Variants in AFG2A observed in about 807,000 individuals in gnomAD.
The protein encoded by AFG2A is ATPase family gene 2 protein homolog A.
the AFG2A span, among the ~76,000 whole-genome samples, chr4:123,212,238 C>T: frequency 7.2e-5 from 11 of 151,952 alleles, no homozygotes; most frequent in Admixed American, 1.3e-4. Context: ...TTTCCTTTTT[C>T]TTGTCCTGAT....
the AFG2A span, among the ~76,000 whole-genome samples, chr4:122,978,416 G>A: frequency 1.3e-5 from 2 of 152,214 alleles, no homozygotes; most frequent in African/African-American, 2.4e-5. Context: ...TGGCTGAGTC[G>A]GGTTTTTATG....
At chr4:123,133,105 G>A in the AFG2A span, among the ~76,000 whole-genome samples, 1 of 152,128 alleles carries the variant, frequency 6.6e-6, no homozygotes, top group African/African-American at 2.4e-5. Context: ...TGTATACATT[G>A]CCAACCTAAA....
the AFG2A span, among the ~76,000 whole-genome samples, chr4:123,305,836 T>C: frequency 1.3e-5 from 2 of 152,206 alleles, no homozygotes; most frequent in African/African-American, 4.8e-5. Flanking sequence ...CCGTAGGCAA[T>C]GTATAAGAGG....
At chr4:123,237,672 C>CAA in the AFG2A span, among the ~76,000 whole-genome samples, 580 of 66,476 alleles carry the variant, frequency 8.7e-3, 9 homozygotes, top group Middle Eastern at 0.022. Flanking sequence ...AACCTTGTCT[C>CAA]AAAAAAAAAA....
the AFG2A span, among the ~76,000 whole-genome samples, chr4:123,037,515 A>T: frequency 6.6e-6 from 1 of 152,128 alleles, no homozygotes; most frequent in African/African-American, 2.4e-5. Flanking sequence ...ACTAACATAC[A>T]TTCTTAAAAG....
chr4:123,201,928 A>AC, the AFG2A span, among the ~76,000 whole-genome samples: 1 of 152,184 alleles, frequency 6.6e-6, no homozygotes, highest in Non-Finnish European at 1.5e-5. Flanking sequence ...GTCTCAAAAA[A>AC]AAAAGTGAAT....
the AFG2A span, among the ~76,000 whole-genome samples, chr4:122,957,693 AT>A: frequency 3.3e-5 from 5 of 152,208 alleles, no homozygotes; most frequent in Non-Finnish European, 7.3e-5. Context: ...GTCCTTTGAA[AT>A]AACTGCCTAC....
At chr4:123,103,102 T>TAG in the AFG2A span, among the ~76,000 whole-genome samples, 3,767 of 152,150 alleles carry the variant, frequency 0.025, 152 homozygotes, top group African/African-American at 0.084. Flanking sequence ...CCTGAAATGT[T>TAG]TCCTGAGTAC....
the AFG2A span, among the ~76,000 whole-genome samples, chr4:123,037,885 A>C: frequency 1.3e-5 from 2 of 152,184 alleles, no homozygotes; most frequent in Non-Finnish European, 1.5e-5. Context: ...TCTTAGAAAG[A>C]GTGCTGGTTT....
chr4:123,223,097 T>G, the AFG2A span, among the ~76,000 whole-genome samples: 1 of 152,182 alleles, frequency 6.6e-6, no homozygotes, highest in African/African-American at 2.4e-5. Context: ...TATTTTAATT[T>G]TTTGAGGAAC....
chr4:123,077,046 GTT>G, the AFG2A span, among the ~76,000 whole-genome samples: 8,819 of 108,220 alleles, frequency 0.081, 357 homozygotes, highest in African/African-American at 0.19. Flanking sequence ...TCCTGTTGTT[GTT>G]TTTTTTTTTT....
chr4:123,017,689 G>T, the AFG2A span, among the ~76,000 whole-genome samples: 1 of 151,782 alleles, frequency 6.6e-6, no homozygotes, highest in Non-Finnish European at 1.5e-5. Flanking sequence ...TTTGAACATT[G>T]TTGAAAAGTT....
the AFG2A span, among the ~76,000 whole-genome samples, chr4:123,308,170 C>T: frequency 3.9e-5 from 6 of 152,268 alleles, no homozygotes; most frequent in East Asian, 7.7e-4. Flanking sequence ...AAAAGCATAG[C>T]TGTATTCTTG....
At chr4:123,259,023 C>T in the AFG2A span, among the ~76,000 whole-genome samples, 408 of 151,982 alleles carry the variant, frequency 2.7e-3, 1 homozygote, top group Middle Eastern at 0.031. Flanking sequence ...CCCACCACCA[C>T]GCCCAGCTAA....
chr4:123,145,968 A>G, the AFG2A span, among the ~76,000 whole-genome samples: 5 of 152,138 alleles, frequency 3.3e-5, no homozygotes, highest in Admixed American at 6.6e-5. Flanking sequence ...AATTTAGAAC[A>G]TATTTGTACT....
the AFG2A span, among the ~76,000 whole-genome samples, chr4:123,122,884 G>A: frequency 1.3e-5 from 2 of 150,868 alleles, no homozygotes; most frequent in Non-Finnish European, 3.0e-5. Context: ...AGATAAAAAT[G>A]TGCTTTGTAT....
the AFG2A span, among the ~76,000 whole-genome samples, chr4:123,195,557 CTAGA>C: frequency 6.6e-6 from 1 of 152,020 alleles, no homozygotes; most frequent in African/African-American, 2.4e-5. Flanking sequence ...TTTTTAAAAT[CTAGA>C]TTATAAAACT....
At chr4:122,999,460 T>C in the AFG2A span, among the ~76,000 whole-genome samples, 2 of 152,174 alleles carry the variant, frequency 1.3e-5, no homozygotes, top group African/African-American at 4.8e-5. Context: ...TTTAAGTCTT[T>C]AATCCATCTT....
chr4:123,261,311 G>GC, the AFG2A span, among the ~76,000 whole-genome samples: 1 of 151,900 alleles, frequency 6.6e-6, no homozygotes, highest in East Asian at 1.9e-4. Flanking sequence ...CTGTATCTGT[G>GC]CCCCAGAATT....
Sources: gnomAD v4.1 joint callset for allele counts (sites outside exome capture counted in the v4.1 genomes callset) on GRCh38, gnomAD v4.1.1 for gene constraint, MANE v1.5 for transcripts, NCBI Gene and HGNC (gene_info 2026-07-23, HGNC 2026-07-21) for gene names.